Variants in MAP7D2 observed in about 807,000 individuals in gnomAD.
MAP7D2 encodes the protein MAP7 domain-containing protein 2.
Under a neutral mutation model 63.5 loss-of-function variants are expected in MAP7D2, and 33 were observed. The ratio of observed to expected loss-of-function variants is 0.52; its 90% CI spans 0.39 to 0.70. The LOEUF (loss-of-function observed/expected upper bound fraction) is 0.70. Among genes scored for constraint, MAP7D2 ranks in the 30% least tolerant of loss-of-function variants. The pLI is 0.00. For missense variants in MAP7D2, 626 were observed against 604.0 expected, an observed-to-expected ratio of 1.04 and a Z score of -0.38; for synonymous variants, 224 against 223.7, an observed-to-expected ratio of 1.00 and a Z score of -0.01.
chrX:20,034,762 T>C (rs2074165564), intron 8 of MAP7D2, among the ~76,000 whole-genome samples: 1 of 111,811 alleles, frequency 8.9e-6, no homozygotes, highest in Non-Finnish European at 1.9e-5. Context: ...GAGAAATACA[T>C]CTCTGTTGTT....
At chrX:20,105,984 G>C (rs1157006414) in intron 1 of MAP7D2, among the ~76,000 whole-genome samples, 1 of 111,660 alleles carries the variant, frequency 9.0e-6, no homozygotes. Flanking sequence ...CCTTCTTCTT[G>C]CATCAAAACA....
rs945525875 is a variant in MAP7D2, at chrX:20,016,261, G to C, written c.1477C>G (p.Arg493Gly). Residue 493 changes from arginine to glycine, a missense_variant, in exon 11 of 17, where the codon CGA becomes GGA. Arg to Gly is a moderately radical substitution (Grantham distance 125). Transcript: ENST00000379643. ...EERLRLEEEA[R>G]KQEEERKRQE... ...CGCTTCCTTTCTTCTTCCTGCTTTCGGGCTTCCTCTTCTAGGCGAAGCCTT... is the reference window on the plus strand; with the variant it reads ...CGCTTCCTTTCTTCTTCCTGCTTTCCGGCTTCCTCTTCTAGGCGAAGCCTT... 1.7e-6 allele frequency: 2 copies of C among 1,207,473 alleles called. No individual in the cohort carries two copies. Among genetic ancestry groups the C allele is most frequent in the African/African-American group, 3.5e-5 (2 of 56,518 alleles).
chrX:20,094,498 A>G (rs1246107620), intron 1 of MAP7D2, among the ~76,000 whole-genome samples: 3 of 18,469 alleles, frequency 1.6e-4, no homozygotes, highest in Non-Finnish European at 2.7e-4. Flanking sequence ...ATATATATAT[A>G]TATATATATA....
chrX:20,116,871 G>T lies in MAP7D2; in HGVS notation c.9C>A (p.Arg3=), dbSNP rs776604766. The T allele has an allele frequency of 3.5e-6, 4 of 1,135,167 alleles. No homozygotes were observed. Among genetic ancestry groups the T allele is most frequent in the Non-Finnish European group, 4.7e-6 (4 of 859,058 alleles). 93.6% of individuals were successfully genotyped at this position (1,135,167 alleles called of 1,213,427 possible). Residue 3 remains arginine, a synonymous_variant, in exon 1 of 17, where the codon CGC becomes CGA. Coordinates refer to ENST00000379643, the MANE Select transcript of MAP7D2 (RefSeq NM_001168465.2). ...ATCCCGTCCCGGAGCCGCCGCCGCC[G>T]CGCTCCATCGGGATGCGCCGGCCGC... is the stretch of plus-strand genomic sequence containing the variant. ME[R]GGGGSGTGSR...
intron 1 of MAP7D2, among the ~76,000 whole-genome samples, chrX:20,104,330 T>G (rs930595945): frequency 8.9e-6 from 1 of 112,875 alleles, no homozygotes; most frequent in Non-Finnish European, 1.9e-5. Context: ...AGACAGAGTC[T>G]CGCTATGTAG....
intron 1 of MAP7D2, among the ~76,000 whole-genome samples, chrX:20,072,811 T>C (rs911824960): frequency 1.8e-5 from 2 of 111,699 alleles, no homozygotes; most frequent in Non-Finnish European, 3.8e-5. Context: ...TATACATCCA[T>C]ACAATGAAAT....
chrX:20,049,439 T>C (rs1365900585), intron 6 of MAP7D2, among the ~76,000 whole-genome samples: 1 of 108,960 alleles, frequency 9.2e-6, no homozygotes, highest in Non-Finnish European at 1.9e-5. Flanking sequence ...ACCCAGCTAA[T>C]TTTTGTATTT....
chrX:20,029,865 T>A (rs1416697825), intron 8 of MAP7D2, among the ~76,000 whole-genome samples: 2 of 110,768 alleles, frequency 1.8e-5, no homozygotes, highest in African/African-American at 6.6e-5. Flanking sequence ...CTACAATCTG[T>A]CAAGTTTCCT....
chrX:20,056,050 G>C (rs1309680022), intron 4 of MAP7D2, among the ~76,000 whole-genome samples: 1 of 111,927 alleles, frequency 8.9e-6, no homozygotes, highest in Non-Finnish European at 1.9e-5. Flanking sequence ...TTTGCTCTCA[G>C]ATAGAGCTAG....
intron 8 of MAP7D2, among the ~76,000 whole-genome samples, chrX:20,029,345 TCA>T (rs1479880642): frequency 8.9e-6 from 1 of 112,172 alleles, no homozygotes; most frequent in African/African-American, 3.2e-5. Context: ...CTTAAATGGC[TCA>T]CACACTCAGT....
chrX:20,098,377 A>C (rs1380364453), intron 1 of MAP7D2, among the ~76,000 whole-genome samples: 1 of 112,494 alleles, frequency 8.9e-6, no homozygotes, highest in Admixed American at 9.4e-5. Flanking sequence ...AATTTGTGCA[A>C]ACAGTTAGAG....
chrX:20,026,693 A>AC (rs1459035193), intron 8 of MAP7D2, among the ~76,000 whole-genome samples: 1 of 111,805 alleles, frequency 8.9e-6, no homozygotes, highest in Non-Finnish European at 1.9e-5. Context: ...CACTTGGTTA[A>AC]AACACAGGAG....
Position 20,067,728 on chromosome X carries a change from G to A in MAP7D2, c.131-2923C>T, listed in dbSNP as rs185861853. 1.8e-3 allele frequency among the ~76,000 whole-genome samples: 200 copies of A among 112,267 alleles called. 5 individuals are homozygous for A. The highest frequency in any genetic ancestry group is 0.017 in the Admixed American group (183 of 10,593). ...CTTTTCTGTGCTGCTTCCCTGGCAC[G>A]GGAAGAAATGTAACACCTTAGTCTT... On this transcript the variant is annotated intron_variant, in intron 1 of 16. Transcript: ENST00000379643.
intron 8 of MAP7D2, among the ~76,000 whole-genome samples, chrX:20,030,609 T>C (rs2074016085): frequency 9.0e-6 from 1 of 111,600 alleles, no homozygotes; most frequent in Non-Finnish European, 1.9e-5. Context: ...CCTCCAATCT[T>C]GGAATCTAGT....
intron 8 of MAP7D2, among the ~76,000 whole-genome samples, chrX:20,027,757 G>GGAGAGAGAGAGAGAGAGA (rs56796954): frequency 6.6e-5 from 5 of 76,243 alleles, no homozygotes; most frequent in African/African-American, 2.8e-4. Flanking sequence ...GAAGGCGGGG[G>GGAGAGAGAGAGAGAGAGA]GAGAGAGAGA....
At chrX:20,018,827 C>G (rs2073518688) in intron 10 of MAP7D2, among the ~76,000 whole-genome samples, 1 of 110,986 alleles carries the variant, frequency 9.0e-6, no homozygotes, top group Non-Finnish European at 1.9e-5. Context: ...AACAAACAAC[C>G]CTGGCTTCCC....
intron 8 of MAP7D2, among the ~76,000 whole-genome samples, chrX:20,037,500 G>A (rs1233774263): frequency 8.9e-6 from 1 of 111,773 alleles, no homozygotes; most frequent in African/African-American, 3.3e-5. Flanking sequence ...GGCTGTGGAT[G>A]ATATGCAGGC....
chrX:20,055,674 G>A (rs1415239794), intron 4 of MAP7D2: 3 of 659,811 alleles, frequency 4.5e-6, no homozygotes, highest in Non-Finnish European at 6.3e-6. Flanking sequence ...CATGGTGATG[G>A]GGGAGGATGA....
chrX:20,116,844 G>A lies in MAP7D2; in HGVS notation c.36C>T (p.Ser12=), dbSNP rs2066909065. The change falls in exon 1 of 17, where the codon TCC becomes TCT. Residue 12 remains serine, a synonymous_variant. Coordinates refer to ENST00000379643, the MANE Select transcript of MAP7D2 (RefSeq NM_001168465.2). ...TTCCCCGCGCAGTCCCCTCAGGCCG[G>A]GATCCCGTCCCGGAGCCGCCGCCGC... ...ERGGGGSGTG[S]RPEGTARGTS... The A allele has an allele frequency of 3.4e-6, 4 of 1,164,689 alleles. No individual in the cohort carries two copies. The highest frequency in any genetic ancestry group is 2.0e-5 in the South Asian group (1 of 51,055).
Sources: gnomAD v4.1 joint callset for allele counts (sites outside exome capture counted in the v4.1 genomes callset) on GRCh38, gnomAD v4.1.1 for gene constraint, MANE v1.5 for transcripts, NCBI Gene and HGNC (gene_info 2026-07-23, HGNC 2026-07-21) for gene names.